The following CSMD3 variants were observed in gnomAD, a reference collection of about 807,000 sequenced individuals.
The protein encoded by CSMD3 is CUB and sushi domain-containing protein 3.
A neutral mutation model predicts 435.2 loss-of-function variants in CSMD3; 177 were observed. The observed-to-expected ratio is 0.41, with a 90% confidence interval of 0.36 to 0.46. The LOEUF (loss-of-function observed/expected upper bound fraction) is 0.46. CSMD3 is among the 20% of genes least tolerant of loss of function. CSMD3 has a pLI of 0.34. For missense variants in CSMD3, 4,265 were observed against 4,504.6 expected (o/e 0.95, Z 1.52); for synonymous variants, 1,656 against 1,520.5 (o/e 1.09, Z -2.07).
chr8:112,482,213 C>T (rs576988438), intron 31 of CSMD3, among the ~76,000 whole-genome samples: 2 of 152,222 alleles, frequency 1.3e-5, no homozygotes, highest in Non-Finnish European at 1.5e-5. Flanking sequence ...GAGTGTGATC[C>T]TACAGAAAGA....
intron 13 of CSMD3, among the ~76,000 whole-genome samples, chr8:112,776,807 A>C (rs1015402874): frequency 6.6e-6 from 1 of 151,790 alleles, no homozygotes; most frequent in Non-Finnish European, 1.5e-5. Context: ...ATTCTATATC[A>C]AGGCTGTTTG....
At chr8:112,863,725 T>C (rs2129932950) in intron 10 of CSMD3, among the ~76,000 whole-genome samples, 1 of 152,212 alleles carries the variant, frequency 6.6e-6, no homozygotes, top group Non-Finnish European at 1.5e-5. Flanking sequence ...CAAATTTGCC[T>C]CTTCAATGGA....
chr8:112,444,108 T>C (rs1334976263), intron 32 of CSMD3, among the ~76,000 whole-genome samples: 1 of 152,214 alleles, frequency 6.6e-6, no homozygotes, highest in Non-Finnish European at 1.5e-5. Context: ...AATTATTCTT[T>C]TATGTATGTA....
rs140482629 is a variant in CSMD3 at position 113,001,001 on chromosome 8, C to A, written c.1030+18066G>T. On this transcript the variant is annotated intron_variant, in intron 6 of 70. Transcript: ENST00000297405. Reference sequence around the variant, plus strand: ...CCCAAAGGATTCAAATCAGAAATTTCAGAATTGCTCATAATTTCTTCTTTT... The same window carrying A: ...CCCAAAGGATTCAAATCAGAAATTTAAGAATTGCTCATAATTTCTTCTTTT... Among the ~76,000 whole-genome samples, 1,000 of 152,032 alleles carry A rather than the reference C, an allele frequency of 6.6e-3. 11 individuals carry two copies. The highest frequency in any genetic ancestry group is 0.023 in the African/African-American group (959 of 41,500).
chr8:113,254,840 T>G (rs537220981), intron 3 of CSMD3, among the ~76,000 whole-genome samples: 18 of 152,296 alleles, frequency 1.2e-4, no homozygotes, highest in African/African-American at 4.3e-4. Context: ...TTATATTTAT[T>G]TTCCAGAAAC....
At chr8:112,239,755 T>C (rs1332292673) in intron 66 of CSMD3, among the ~76,000 whole-genome samples, 1 of 152,102 alleles carries the variant, frequency 6.6e-6, no homozygotes, top group Non-Finnish European at 1.5e-5. Context: ...ATCTACTCTC[T>C]ATGTAGTTAT....
chr8:112,803,365 C>T (rs555070832), intron 12 of CSMD3, among the ~76,000 whole-genome samples: 3 of 152,324 alleles, frequency 2.0e-5, no homozygotes, highest in Non-Finnish European at 4.4e-5. Flanking sequence ...ACTTCTTTCG[C>T]TGATAATGAA....
At chr8:112,549,953 T>A (rs1001598795) in intron 27 of CSMD3, among the ~76,000 whole-genome samples, 13 of 152,128 alleles carry the variant, frequency 8.5e-5, no homozygotes, top group African/African-American at 2.4e-4. Flanking sequence ...AGATAAAAAA[T>A]CTATTAGATA....
Position 112,943,427 on chromosome 8 carries a change from C to T in CSMD3, c.1508+4363G>A, listed in dbSNP as rs145345050. ...GATGGGGCACCAGGAGAACATGCCA[C>T]GAGTTCTTTTGAATTTTCAGGGGCA... On this transcript the variant is annotated intron_variant, in intron 9 of 70. Transcript: ENST00000297405. Among the ~76,000 whole-genome samples, 16 of 151,566 alleles carry T rather than the reference C, an allele frequency of 1.1e-4. No homozygotes were observed. In the East Asian group the frequency reaches 1.6e-3, roughly 15 times the overall value.
At chr8:112,260,705 G>C (rs1816303500) in intron 61 of CSMD3, among the ~76,000 whole-genome samples, 1 of 151,956 alleles carries the variant, frequency 6.6e-6, no homozygotes, top group African/African-American at 2.4e-5. Flanking sequence ...AGTGATGTTT[G>C]CTAAGATGAC....
chr8:113,224,429 A>G (rs1218468007), intron 3 of CSMD3, among the ~76,000 whole-genome samples: 1 of 151,234 alleles, frequency 6.6e-6, no homozygotes, highest in Non-Finnish European at 1.5e-5. Context: ...TACTATCCCT[A>G]ACAAACATCC....
intron 49 of CSMD3, among the ~76,000 whole-genome samples, chr8:112,313,221 T>C (rs958461213): frequency 1.3e-5 from 2 of 152,204 alleles, no homozygotes; most frequent in African/African-American, 4.8e-5. Context: ...ATCTATGTCA[T>C]CTTGCTATTA....
At chr8:112,385,481 A>T (rs1297551116) in intron 36 of CSMD3, among the ~76,000 whole-genome samples, 1 of 152,234 alleles carries the variant, frequency 6.6e-6, no homozygotes, top group East Asian at 1.9e-4. Context: ...TGAAGGTTTC[A>T]GAAGTCGGAG....
intron 3 of CSMD3, among the ~76,000 whole-genome samples, chr8:113,174,487 A>G (rs1443359712): frequency 1.3e-5 from 2 of 152,086 alleles, no homozygotes; most frequent in Non-Finnish European, 2.9e-5. Context: ...AATGATAATA[A>G]TAAGTGCAAA....
At chr8:112,300,873 A>G (rs183965430) in intron 53 of CSMD3, among the ~76,000 whole-genome samples, 13 of 152,332 alleles carry the variant, frequency 8.5e-5, no homozygotes, top group Non-Finnish European at 1.8e-4. Context: ...CACACAATAT[A>G]TAAGTATAAA....
chr8:113,369,359 T>A (rs1437465741), intron 1 of CSMD3, among the ~76,000 whole-genome samples: 3 of 151,986 alleles, frequency 2.0e-5, no homozygotes, highest in African/African-American at 7.2e-5. Context: ...TGATAAGATA[T>A]GACCTCACTC....
chr8:113,305,913 G>C lies in CSMD3; in HGVS notation c.401+8658C>G, dbSNP rs1025054041. On this transcript the variant is annotated intron_variant, in intron 2 of 70. Coordinates refer to ENST00000297405, the MANE Select transcript of CSMD3 (RefSeq NM_198123.2). ...AAGTCTTTTGTAAATTAAAGTATTAGGTAGGGGGATACTAAACACAATATA... is the reference window on the plus strand; with the variant it reads ...AAGTCTTTTGTAAATTAAAGTATTACGTAGGGGGATACTAAACACAATATA... Among the ~76,000 whole-genome samples the C allele has an allele frequency of 3.3e-5, 5 of 152,106 alleles. 1 individual carries two copies. Among genetic ancestry groups the C allele is most frequent in the Admixed American group, 1.3e-4 (2 of 15,268 alleles).
intron 7 of CSMD3, among the ~76,000 whole-genome samples, chr8:112,962,323 AAAATATTATTACATT>A (rs1269029747): frequency 1.3e-5 from 2 of 151,870 alleles, no homozygotes; most frequent in Non-Finnish European, 2.9e-5. Context: ...TACTCATGAT[AAAATATTATTACATT>A]AAATATTTGT....
At chr8:112,224,954 C>T (rs1339761454) in intron 70 of CSMD3, 24 bp from the exon 71 acceptor site, 1 of 1,611,870 alleles carries the variant, frequency 6.2e-7, no homozygotes, top group Non-Finnish European at 8.5e-7. Flanking sequence ...CATTGATTAG[C>T]TATGTGTTAA....
Sources: gnomAD v4.1 joint callset for allele counts (sites outside exome capture counted in the v4.1 genomes callset) on GRCh38, gnomAD v4.1.1 for gene constraint, MANE v1.5 for transcripts, NCBI Gene and HGNC (gene_info 2026-07-23, HGNC 2026-07-21) for gene names.